GRK3: variants seen among roughly 807,000 people sequenced by gnomAD.
The protein encoded by GRK3 is adrenergic, beta, receptor kinase 2.
Under a neutral mutation model 95.7 loss-of-function variants are expected in GRK3, and 54 were observed. The observed-to-expected ratio is 0.56, with a 90% CI of 0.45 to 0.71. The LOEUF is 0.71. Ranked by LOEUF, GRK3 falls within the 30% of genes least tolerant of loss-of-function variation. The pLI, the probability that GRK3 is intolerant of heterozygous loss-of-function variation, is 0.00. For missense variants in GRK3, 649 were observed against 851.2 expected (o/e 0.76, Z 2.96); for synonymous variants, 281 against 290.8 (o/e 0.97, Z 0.34).
chr22:25,682,676 C>CT (rs1369728804), intron 9 of GRK3, among the ~76,000 whole-genome samples: 9 of 152,118 alleles, frequency 5.9e-5, no homozygotes, highest in Non-Finnish European at 1.3e-4. Context: ...TGTAAAGAAT[C>CT]TAAGTGGATT....
In GRK3 at chr22:25,728,623, T is replaced by C. The variant is rs906121985; in HGVS notation, c.*6173T>C. On this transcript the variant is annotated 3_prime_UTR_variant, in exon 21 of 21. Coordinates refer to ENST00000324198, the MANE Select transcript of GRK3 (RefSeq NM_005160.4). ...TTATTGCACCCAATTACCTAACCAC[T>C]AAACAGAAAGGCCACCTTCACTCTT... The C allele has an allele frequency of 6.6e-6, 1 of 152,186 alleles. No homozygotes were observed. The highest frequency in any genetic ancestry group is 1.5e-5 in the Non-Finnish European group (1 of 68,038). 9.4% of individuals were successfully genotyped at this position (152,186 alleles called of 1,614,324 possible). A position where few individuals can be genotyped will look rare whatever the true frequency, so the allele number is the denominator to read the frequency against.
chr22:25,601,079 CCT>C (rs2084406345), intron 1 of GRK3, among the ~76,000 whole-genome samples: 1 of 152,110 alleles, frequency 6.6e-6, no homozygotes, highest in Non-Finnish European at 1.5e-5. Context: ...TTTCAACACT[CCT>C]CTCTCAGTAA....
chr22:25,693,339 TG>T (rs1028407420), intron 12 of GRK3, among the ~76,000 whole-genome samples: 2 of 152,160 alleles, frequency 1.3e-5, no homozygotes, highest in Non-Finnish European at 2.9e-5. Flanking sequence ...GGTAAAAGCA[TG>T]GGGGGCTGGT....
chr22:25,614,635 T>A (rs562905642), intron 2 of GRK3, among the ~76,000 whole-genome samples: 1 of 152,276 alleles, frequency 6.6e-6, no homozygotes, highest in African/African-American at 2.4e-5. Context: ...AGAGCCAGAG[T>A]TGGAAGTCAT....
At chr22:25,645,084 G>GT (rs2084770836) in intron 3 of GRK3, among the ~76,000 whole-genome samples, 1 of 152,186 alleles carries the variant, frequency 6.6e-6, no homozygotes, top group Admixed American at 6.5e-5. Flanking sequence ...TGGAGATTTG[G>GT]TGGGGGGTGT....
intron 18 of GRK3, among the ~76,000 whole-genome samples, chr22:25,715,695 A>G (rs1238531595): frequency 6.6e-6 from 1 of 152,230 alleles, no homozygotes; most frequent in South Asian, 2.1e-4. Flanking sequence ...GTCGATGATT[A>G]TGTTAAGATG....
chr22:25,687,836 G>A (rs1054580759), intron 11 of GRK3, among the ~76,000 whole-genome samples, 169 bp downstream of exon 11: 6 of 152,128 alleles, frequency 3.9e-5, no homozygotes, highest in Non-Finnish European at 8.8e-5. Flanking sequence ...CAGACTCTGC[G>A]GGGACGGAGC....
intron 6 of GRK3, among the ~76,000 whole-genome samples, chr22:25,671,201 G>A (rs1444690151): frequency 1.3e-5 from 2 of 151,636 alleles, no homozygotes; most frequent in African/African-American, 2.4e-5. Flanking sequence ...ATTAGTCCAC[G>A]TGGTGGCGGG....
chr22:25,577,895 G>A (rs1256255110), intron 1 of GRK3, among the ~76,000 whole-genome samples: 1 of 152,188 alleles, frequency 6.6e-6, no homozygotes, highest in Non-Finnish European at 1.5e-5. Context: ...ACGTAGAGCT[G>A]CAAAGAAATT....
At position 25,577,515 on chromosome 22, in the gene GRK3, G is replaced by C. The variant is rs1304447290; in HGVS notation, c.113+12362G>C. Among the ~76,000 whole-genome samples the C allele has an allele frequency of 5.3e-5, 8 of 152,162 alleles. No individual in the cohort carries two copies. In the East Asian group the frequency reaches 1.5e-3, roughly 29 times the overall value. ...ATGTTAAACTTGGCACTCATTAGCA[G>C]TTCATTCTAAATTGTGATGGAAAAT... is the stretch of plus-strand genomic sequence containing the variant. On this transcript the variant is annotated intron_variant, in intron 1 of 20. Transcript: ENST00000324198.
chr22:25,682,105 A>G (rs2085079161), intron 9 of GRK3, among the ~76,000 whole-genome samples: 1 of 152,204 alleles, frequency 6.6e-6, no homozygotes, highest in Admixed American at 6.5e-5. Flanking sequence ...AAAGATAAAT[A>G]TAGTTGGACT....
intron 18 of GRK3, among the ~76,000 whole-genome samples, chr22:25,717,082 C>T (rs1170897426): frequency 6.6e-6 from 1 of 152,208 alleles, no homozygotes. Context: ...GGGACCACTG[C>T]TACACAGTGT....
intron 1 of GRK3, among the ~76,000 whole-genome samples, chr22:25,573,754 C>G (rs1409232543): frequency 6.6e-6 from 1 of 152,076 alleles, no homozygotes; most frequent in African/African-American, 2.4e-5. Flanking sequence ...CAAAAATTAG[C>G]TGGGCATGGT....
At chr22:25,688,160 T>C (rs528913329) in intron 11 of GRK3, among the ~76,000 whole-genome samples, 5 of 140,062 alleles carry the variant, frequency 3.6e-5, no homozygotes, top group South Asian at 4.5e-4. Context: ...GGAGTGAACC[T>C]GGGAGGCAGA....
At chr22:25,702,849 A>G (rs773005994) in intron 13 of GRK3, 3 of 455,964 alleles carry the variant, frequency 6.6e-6, no homozygotes, top group African/African-American at 2.0e-5. Context: ...CAGATGAAGA[A>G]TTGATACTGA....
rs1456711743 is a variant in GRK3 at position 25,724,443 on chromosome 22, G to A, written c.*1993G>A. ...TTTCCCATACTTGTTCTAAAATTGA[G>A]CTGATCCGCATCTCTTTCAAAAACT... On this transcript the variant is annotated 3_prime_UTR_variant, in exon 21 of 21. Coordinates refer to ENST00000324198, the MANE Select transcript of GRK3 (RefSeq NM_005160.4). The A allele has an allele frequency of 1.3e-5, 2 of 152,166 alleles. No homozygotes were observed. Among genetic ancestry groups the A allele is most frequent in the Non-Finnish European group, 2.9e-5 (2 of 68,044 alleles). 9.4% of individuals were successfully genotyped at this position (152,166 alleles called of 1,614,324 possible).
At chr22:25,684,520 G>A (rs2085098456) in intron 9 of GRK3, 2 of 152,128 alleles carry the variant, frequency 1.3e-5, no homozygotes, top group Admixed American at 6.5e-5. Flanking sequence ...TATTCTCAGT[G>A]TTTCAAAACA....
intron 2 of GRK3, among the ~76,000 whole-genome samples, chr22:25,641,945 A>AT (rs1333038521): frequency 2.0e-5 from 3 of 152,232 alleles, no homozygotes; most frequent in South Asian, 2.1e-4. Context: ...GTATTATTTC[A>AT]TTTTGTCATT....
chr22:25,658,989 A>T (rs545836990), intron 3 of GRK3, among the ~76,000 whole-genome samples: 1 of 152,298 alleles, frequency 6.6e-6, no homozygotes, highest in East Asian at 1.9e-4. Context: ...TTAGATATTT[A>T]GAATCTGGAG....
Sources: gnomAD v4.1 joint callset for allele counts (sites outside exome capture counted in the v4.1 genomes callset) on GRCh38, gnomAD v4.1.1 for gene constraint, MANE v1.5 for transcripts, NCBI Gene and HGNC (gene_info 2026-07-23, HGNC 2026-07-21) for gene names.